Variants in NAALADL2 observed in about 807,000 individuals in gnomAD.
The protein encoded by NAALADL2 is N-acetylated alpha-linked acidic dipeptidase like 2.
In NAALADL2, 76 loss-of-function variants were observed where a neutral mutation model predicts 87.2. The observed-to-expected ratio is 0.87, with a 90% CI of 0.72 to 1.05. The LOEUF (loss-of-function observed/expected upper bound fraction) is 1.05. NAALADL2 is among the 50% of genes least tolerant of loss of function. The pLI is 0.00. For missense variants in NAALADL2, 1,089 were observed against 945.8 expected, an observed-to-expected ratio of 1.15 and a Z score of -1.99; for synonymous variants, 354 against 331.0, an observed-to-expected ratio of 1.07 and a Z score of -0.75.
chr3:175,447,469 T>A (rs904991397), intron 6 of NAALADL2, 97 bp downstream of exon 6: 2 of 775,294 alleles, frequency 2.6e-6, no homozygotes, highest in Non-Finnish European at 3.7e-6. Flanking sequence ...ATTATTCTTT[T>A]CAAAAACATT....
intron 3 of NAALADL2, among the ~76,000 whole-genome samples, chr3:174,830,878 G>A (rs1373966996): frequency 6.6e-6 from 1 of 151,552 alleles, no homozygotes; most frequent in African/African-American, 2.4e-5. Context: ...AATTGTGAAT[G>A]GGAGTTCACT....
At chr3:175,390,790 G>A (rs537075919) in intron 5 of NAALADL2, among the ~76,000 whole-genome samples, 1 of 152,242 alleles carries the variant, frequency 6.6e-6, no homozygotes, top group South Asian at 2.1e-4. Flanking sequence ...GGGTGCTAAA[G>A]AGCTTTTTCT....
In NAALADL2 at chr3:175,522,869, A is replaced by G. The variant is rs1272713273; in HGVS notation, c.1653+51111A>G. The stretch of plus-strand genomic sequence containing the variant: ...CAGTTATTTCTATCAACAATATTCA[A>G]TTTCTCTACATATCCCTTAAAATCA... On this transcript the variant is annotated intron_variant, in intron 9 of 13. Transcript: ENST00000454872. Among the ~76,000 whole-genome samples the G allele has an allele frequency of 2.0e-5, 3 of 152,202 alleles. No individual in the cohort carries two copies. The South Asian group carries it at 6.2e-4, about 31-fold the overall frequency.
At chr3:174,686,928 A>G (rs1728098624) in intron 2 of NAALADL2, among the ~76,000 whole-genome samples, 1 of 152,162 alleles carries the variant, frequency 6.6e-6, no homozygotes, top group African/African-American at 2.4e-5. Flanking sequence ...AGCAATTGCA[A>G]CAAAACCAAA....
intron 2 of NAALADL2, among the ~76,000 whole-genome samples, chr3:175,126,361 C>G (rs955949936): frequency 6.6e-6 from 1 of 152,078 alleles, no homozygotes; most frequent in African/African-American, 2.4e-5. Context: ...GACATAATTT[C>G]TTTTATTGGT....
intron 11 of NAALADL2, among the ~76,000 whole-genome samples, chr3:175,722,699 A>G (rs917979349): frequency 7.2e-5 from 11 of 152,168 alleles, no homozygotes; most frequent in African/African-American, 2.2e-4. Context: ...TATCATTACC[A>G]GTAATGCATA....
intron 2 of NAALADL2, among the ~76,000 whole-genome samples, chr3:175,211,490 C>T (rs1408058516): frequency 6.6e-6 from 1 of 151,856 alleles, no homozygotes; most frequent in Non-Finnish European, 1.5e-5. Flanking sequence ...AGAAACATGC[C>T]TCTATTTTAT....
At chr3:175,317,633 G>A (rs1275803063) in intron 4 of NAALADL2, among the ~76,000 whole-genome samples, 1 of 151,916 alleles carries the variant, frequency 6.6e-6, no homozygotes, top group Non-Finnish European at 1.5e-5. Context: ...GGTTATAGAT[G>A]GATAAGTGGC....
At chr3:174,882,482 CATATGTGCATATACAT>C (rs1277659816) in intron 1 of NAALADL2, among the ~76,000 whole-genome samples, 2 of 149,882 alleles carry the variant, frequency 1.3e-5, no homozygotes, top group Admixed American at 6.6e-5. Flanking sequence ...TGTATGCATA[CATATGTGCATATACAT>C]ATATGTGTAT....
intron 2 of NAALADL2, among the ~76,000 whole-genome samples, chr3:174,609,266 C>T (rs1172201406): frequency 1.3e-5 from 2 of 152,062 alleles, no homozygotes; most frequent in African/African-American, 2.4e-5. Flanking sequence ...GACAGGGATG[C>T]CCTCTCTCAC....
intron 2 of NAALADL2, among the ~76,000 whole-genome samples, chr3:175,201,845 T>A (rs576430644): frequency 2.6e-5 from 4 of 151,396 alleles, no homozygotes; most frequent in Non-Finnish European, 5.9e-5. Context: ...CTAAAGGGAA[T>A]GGCAGAGAGG....
intron 2 of NAALADL2, among the ~76,000 whole-genome samples, chr3:175,111,210 T>C (rs1724135885): frequency 1.3e-5 from 2 of 151,490 alleles, no homozygotes; most frequent in Admixed American, 1.3e-4. Flanking sequence ...CCAACCTAAG[T>C]CTGGGTCTGG....
intron 11 of NAALADL2, among the ~76,000 whole-genome samples, chr3:175,686,575 TTTTAA>T (rs1299810266): frequency 4.0e-5 from 6 of 151,896 alleles, no homozygotes; most frequent in Admixed American, 3.9e-4. Flanking sequence ...AAAGTTCAAC[TTTTAA>T]TTCAATTAAA....
At chr3:175,249,121 C>T (rs944889058) in intron 3 of NAALADL2, among the ~76,000 whole-genome samples, 2 of 151,462 alleles carry the variant, frequency 1.3e-5, no homozygotes, top group African/African-American at 2.4e-5. Context: ...TTTTTGTGTG[C>T]GTATATGAGG....
At chr3:174,562,239 A>T (rs761728540) in intron 2 of NAALADL2, among the ~76,000 whole-genome samples, 25 of 152,186 alleles carry the variant, frequency 1.6e-4, no homozygotes, top group Non-Finnish European at 2.8e-4. Flanking sequence ...ATTTTAAAGC[A>T]CCAAGTAATT....
intron 1 of NAALADL2, among the ~76,000 whole-genome samples, chr3:174,913,656 G>A (rs528320428): frequency 5.9e-5 from 9 of 152,212 alleles, no homozygotes; most frequent in East Asian, 3.9e-4. Context: ...TTATTTTACC[G>A]ATTTGGTTAT....
intron 3 of NAALADL2, among the ~76,000 whole-genome samples, chr3:174,822,422 A>G (rs1721528797): frequency 6.6e-6 from 1 of 152,300 alleles, no homozygotes; most frequent in East Asian, 1.9e-4. Flanking sequence ...TTTAAAAAGA[A>G]AACAACACTT....
chr3:175,426,542 T>G (rs1232969252), intron 5 of NAALADL2, among the ~76,000 whole-genome samples: 2 of 152,180 alleles, frequency 1.3e-5, no homozygotes, highest in Non-Finnish European at 2.9e-5. Context: ...TGACTTAATG[T>G]GTCTGCAAGG....
At chr3:174,599,587 T>C (rs1470653206) in intron 2 of NAALADL2, among the ~76,000 whole-genome samples, 1 of 152,176 alleles carries the variant, frequency 6.6e-6, no homozygotes, top group East Asian at 1.9e-4. Flanking sequence ...TAAGCAAAGC[T>C]AGATCATTAG....
Sources: gnomAD v4.1 joint callset for allele counts (sites outside exome capture counted in the v4.1 genomes callset) on GRCh38, gnomAD v4.1.1 for gene constraint, MANE v1.5 for transcripts, NCBI Gene and HGNC (gene_info 2026-07-23, HGNC 2026-07-21) for gene names.